ZFHX3: variants seen among roughly 807,000 people sequenced by gnomAD.
ZFHX3 encodes the protein zinc finger homeobox 3.
Under a neutral mutation model 279.1 loss-of-function variants are expected in ZFHX3, and 42 were observed. The observed-to-expected ratio is 0.15, with a 90% CI of 0.12 to 0.19. The LOEUF (loss-of-function observed/expected upper bound fraction) is 0.19. Among genes scored for constraint, ZFHX3 ranks in the 10% least tolerant of loss-of-function variants. ZFHX3 has a pLI of 1.00. For synonymous variants in ZFHX3, 2,293 were observed against 1,957.8 expected (o/e 1.17, Z -4.52); for missense variants, 4,981 against 4,754.0 (o/e 1.05, Z -1.40).
intron 1 of ZFHX3, among the ~76,000 whole-genome samples, chr16:73,810,285 G>A (rs1446266964): frequency 6.6e-6 from 1 of 152,164 alleles, no homozygotes; most frequent in Non-Finnish European, 1.5e-5. Flanking sequence ...AAATTGGATT[G>A]TGGATTAATC....
At chr16:73,003,543 A>T (rs1157398287) in intron 1 of ZFHX3, among the ~76,000 whole-genome samples, 7 of 34,980 alleles carry the variant, frequency 2.0e-4, no homozygotes, top group African/African-American at 8.2e-4. Context: ...CCCATCTCTT[A>T]AAAAAAAAAA....
chr16:73,134,551 T>C (rs913644540), intron 6 of ZFHX3: 2 of 151,612 alleles, frequency 1.3e-5, no homozygotes, highest in Admixed American at 6.6e-5. Flanking sequence ...CCCAGGCTGG[T>C]CTTGAACACC....
chr16:73,718,585 ATGTT>A lies in ZFHX3; in HGVS notation c.-1607-38349_-1607-38346del, dbSNP rs1437358929. ...ACACAGCCAGACCATGAGCTGAATC[ATGTT>A]TGTTTATGTATTTATTTATTTATTA... On this transcript the variant is annotated intron_variant, in intron 1 of 17. Transcript: ENST00000641206. Among the ~76,000 whole-genome samples, 4 of 150,466 alleles carry A rather than the reference ATGTT, an allele frequency of 2.7e-5. No individual in the cohort carries two copies. The East Asian group carries it at 7.9e-4, about 30-fold the overall frequency.
intron 3 of ZFHX3, among the ~76,000 whole-genome samples, chr16:73,383,993 C>T (rs778240318): frequency 2.9e-4 from 44 of 152,198 alleles, no homozygotes; most frequent in African/African-American, 1.0e-3. Context: ...GAGTGCTCCA[C>T]GAACACACTT....
intron 2 of ZFHX3, among the ~76,000 whole-genome samples, chr16:73,589,787 T>C (rs2051974857): frequency 1.4e-5 from 2 of 143,230 alleles, no homozygotes; most frequent in African/African-American, 2.6e-5. Flanking sequence ...TACCCTGTCT[T>C]GTGCATTTGA....
intron 3 of ZFHX3, among the ~76,000 whole-genome samples, chr16:73,334,520 C>A (rs2015869345): frequency 6.6e-6 from 1 of 152,160 alleles, no homozygotes; most frequent in South Asian, 2.1e-4. Flanking sequence ...GTGCCTTCCC[C>A]TGCTGTCAAC....
chr16:73,426,148 A>G (rs1263527682), intron 3 of ZFHX3, among the ~76,000 whole-genome samples: 1 of 152,106 alleles, frequency 6.6e-6, no homozygotes, highest in African/African-American at 2.4e-5. Flanking sequence ...CCTGGTTGTG[A>G]TGGCCAGAGC....
intron 4 of ZFHX3, among the ~76,000 whole-genome samples, chr16:73,268,986 A>G (rs1213086844): frequency 6.6e-6 from 1 of 152,210 alleles, no homozygotes; most frequent in Non-Finnish European, 1.5e-5. Context: ...CTGCAGATGC[A>G]GTACTTGGGA....
In ZFHX3 at chr16:72,874,770, C is replaced by T. The variant is rs568925690; in HGVS notation, c.3448+14961G>A. On this transcript the variant is annotated intron_variant, in intron 4 of 9. Transcript: ENST00000268489. The stretch of plus-strand genomic sequence containing the variant: ...CGGCCTCCCAAAGTGCTGGCATTGC[C>T]GGCGTAAGCCACCACACCATGCCCT... Among the ~76,000 whole-genome samples the T allele has an allele frequency of 1.0e-3, 155 of 152,120 alleles. 1 individual carries two copies. Among genetic ancestry groups the T allele is most frequent in the Admixed American group, 2.7e-3 (41 of 15,288 alleles).
At chr16:73,472,032 G>A (rs1830862264) in intron 2 of ZFHX3, among the ~76,000 whole-genome samples, 1 of 152,078 alleles carries the variant, frequency 6.6e-6, no homozygotes, top group South Asian at 2.1e-4. Context: ...ACTCATTTCT[G>A]AGGCTGGTTC....
At chr16:73,611,691 T>A (rs1351352551) in intron 2 of ZFHX3, among the ~76,000 whole-genome samples, 1 of 152,216 alleles carries the variant, frequency 6.6e-6, no homozygotes, top group Admixed American at 6.5e-5. Context: ...GATTCTCAAT[T>A]ATACTTCATT....
intron 3 of ZFHX3, among the ~76,000 whole-genome samples, chr16:72,903,537 T>C (rs921164225): frequency 6.6e-6 from 1 of 152,166 alleles, no homozygotes; most frequent in Non-Finnish European, 1.5e-5. Flanking sequence ...GCCCAAGATA[T>C]AGCTAGAAAA....
rs369246376 is a variant in ZFHX3 at position 73,814,434 on chromosome 16, T to C, written c.-1608+77217A>G. Among the ~76,000 whole-genome samples, 14 of 152,332 alleles carry C rather than the reference T, an allele frequency of 9.2e-5. No individual in the cohort carries two copies. The East Asian group carries it at 2.3e-3, about 25-fold the overall frequency. ...ATTTAGAGGAAAAAGTAATCGTGGG[T>C]CTTTCTTCAAAATTTAATTTTAAAA... On this transcript the variant is annotated intron_variant, in intron 1 of 17. Coordinates refer to the ZFHX3 transcript ENST00000641206.
chr16:72,961,940 C>T (rs763318379), intron 1 of ZFHX3, among the ~76,000 whole-genome samples: 8 of 151,872 alleles, frequency 5.3e-5, no homozygotes, highest in Non-Finnish European at 1.2e-4. Context: ...AAACAGCAAA[C>T]GCAATGGGAC....
At chr16:72,920,302 T>A (rs2039551140) in intron 3 of ZFHX3, among the ~76,000 whole-genome samples, 1 of 152,050 alleles carries the variant, frequency 6.6e-6, no homozygotes, top group South Asian at 2.1e-4. Flanking sequence ...TAGCTATCAG[T>A]GGAAAAATTA....
intron 2 of ZFHX3, among the ~76,000 whole-genome samples, chr16:73,614,674 G>A (rs560777246): frequency 6.6e-6 from 1 of 152,262 alleles, no homozygotes; most frequent in East Asian, 1.9e-4. Flanking sequence ...AGAAAAGACT[G>A]GGTAGCCCTG....
At chr16:72,957,355 T>C (rs1597013431) in intron 2 of ZFHX3, 72 bp downstream of exon 2, 4 of 1,512,832 alleles carry the variant, frequency 2.6e-6, no homozygotes, top group East Asian at 4.5e-5. Context: ...CACAGGACTA[T>C]CTCACCCTAT....
At chr16:72,822,646 T>C (rs989148531) in intron 5 of ZFHX3, among the ~76,000 whole-genome samples, 13 of 152,226 alleles carry the variant, frequency 8.5e-5, no homozygotes, top group African/African-American at 3.1e-4. Context: ...AAGAATAATA[T>C]GCAAATCTAT....
chr16:73,810,638 G>A (rs1317631896), intron 1 of ZFHX3, among the ~76,000 whole-genome samples: 1 of 151,902 alleles, frequency 6.6e-6, no homozygotes, highest in African/African-American at 2.4e-5. Context: ...TATTCCTGTT[G>A]CAAAAGAAGA....
Sources: gnomAD v4.1 joint callset for allele counts (sites outside exome capture counted in the v4.1 genomes callset) on GRCh38, gnomAD v4.1.1 for gene constraint, MANE v1.5 for transcripts, NCBI Gene and HGNC (gene_info 2026-07-23, HGNC 2026-07-21) for gene names.